ANKRD30B: variants seen among roughly 807,000 people sequenced by gnomAD.
The protein encoded by ANKRD30B is ankyrin repeat domain-containing protein 30B.
Under a neutral mutation model 202.2 loss-of-function variants are expected in ANKRD30B, and 144 were observed. That is an observed-to-expected ratio of 0.71 (90% CI 0.62 to 0.82). The LOEUF (loss-of-function observed/expected upper bound fraction) is 0.82, where lower values mean the gene tolerates loss of function less well. Among genes scored for constraint, ANKRD30B ranks in the 40% least tolerant of loss-of-function variants. The pLI, the probability that ANKRD30B is intolerant of heterozygous loss-of-function variation, is 0.00. For missense variants in ANKRD30B, 1,487 were observed against 1,669.1 expected, an observed-to-expected ratio of 0.89 and a Z score of 1.90; for synonymous variants, 508 against 561.3, an observed-to-expected ratio of 0.91 and a Z score of 1.34.
the ANKRD30B span, among the ~76,000 whole-genome samples, chr18:14,879,308 G>T: frequency 6.7e-6 from 1 of 149,498 alleles, no homozygotes; most frequent in Non-Finnish European, 1.5e-5. Flanking sequence ...GGCGGCCACA[G>T]TGCAAGATCC....
intron 30 of ANKRD30B, 29 bp from the exon 31 acceptor site, chr18:14,822,454 A>G (rs1423000661): frequency 8.4e-7 from 1 of 1,193,562 alleles, no homozygotes; most frequent in East Asian, 2.6e-5. Flanking sequence ...CTTGCGTATA[A>G]TCAATTATAT....
chr18:14,788,164 G>A lies in ANKRD30B; in HGVS notation c.1734+1064G>A, dbSNP rs1237074886. Among the ~76,000 whole-genome samples, 3 of 152,130 alleles carry A rather than the reference G, an allele frequency of 2.0e-5. No homozygotes were observed. The South Asian group carries it at 6.2e-4, about 31-fold the overall frequency. ...ATATTTTAAATGTTTAATGCTGTAT[G>A]TGTCATGGCAAGTAGAAAATGTATT... On this transcript the variant is annotated intron_variant, in intron 15 of 43. Coordinates refer to ENST00000690538, the MANE Select transcript of ANKRD30B (RefSeq NM_001367607.2).
the ANKRD30B span, among the ~76,000 whole-genome samples, chr18:14,913,293 A>G: frequency 0.55 from 83,438 of 151,926 alleles, 23,577 homozygotes; most frequent in African/African-American, 0.68. Flanking sequence ...CATTCACAGC[A>G]GCTGGCCAGT....
At position 14,818,400 on chromosome 18, in the gene ANKRD30B, G is replaced by A. The variant is rs546120192; in HGVS notation, c.2641+3689G>A. 2.6e-5 allele frequency among the ~76,000 whole-genome samples: 4 copies of A among 151,914 alleles called. No homozygotes were observed. In the South Asian group the frequency reaches 6.2e-4, roughly 24 times the overall value. ...TTATACTTTAAGTTTTAGGGTACATGTGCACATTGTGCAGGTTAGTTACAT... is the reference window on the plus strand; with the variant it reads ...TTATACTTTAAGTTTTAGGGTACATATGCACATTGTGCAGGTTAGTTACAT... On this transcript the variant is annotated intron_variant, in intron 30 of 43. Coordinates refer to ENST00000690538, the MANE Select transcript of ANKRD30B (RefSeq NM_001367607.2).
chr18:14,863,419 G>A, the ANKRD30B span, among the ~76,000 whole-genome samples: 3 of 152,014 alleles, frequency 2.0e-5, no homozygotes, highest in East Asian at 1.9e-4. Context: ...TTTCTCTCTT[G>A]ACACGTGATA....
At chr18:14,832,049 A>G (rs1224285306) in intron 34 of ANKRD30B, among the ~76,000 whole-genome samples, 1 of 152,022 alleles carries the variant, frequency 6.6e-6, no homozygotes, top group Non-Finnish European at 1.5e-5. Flanking sequence ...CTTTAATTAA[A>G]CACCAAAATA....
rs751513630 is a variant in ANKRD30B, at chr18:14,799,098, T to C, written c.2030-3T>C. The C allele has an allele frequency of 2.4e-5, 38 of 1,571,892 alleles. No individual in the cohort carries two copies. Among genetic ancestry groups the C allele is most frequent in the Non-Finnish European group, 3.3e-5 (38 of 1,143,838 alleles). ...TCAATTATATATGTCCCTTTTCTTT[T>C]AGAGTCTCCTGATAATGATGGTCTT... On this transcript the variant is annotated splice_polypyrimidine_tract_variant and splice_region_variant and intron_variant, in intron 20 of 43. Transcript: ENST00000690538.
intron 16 of ANKRD30B, 54 bp downstream of exon 16, chr18:14,791,545 G>T: frequency 7.3e-7 from 1 of 1,365,662 alleles, no homozygotes; most frequent in Non-Finnish European, 1.0e-6. Context: ...TATCTAAACT[G>T]ATGAGGAAGG....
At chr18:14,821,824 A>C (rs1316891644) in intron 30 of ANKRD30B, among the ~76,000 whole-genome samples, 1 of 152,174 alleles carries the variant, frequency 6.6e-6, no homozygotes, top group Non-Finnish European at 1.5e-5. Flanking sequence ...TTTTAAGAAG[A>C]CTAAACTACA....
chr18:14,935,959 T>C, the ANKRD30B span, among the ~76,000 whole-genome samples: 1 of 152,234 alleles, frequency 6.6e-6, no homozygotes, highest in Admixed American at 6.5e-5. Context: ...GAGTGAACTC[T>C]TGAAAATAAA....
chr18:14,924,730 G>A, the ANKRD30B span, among the ~76,000 whole-genome samples: 2 of 152,190 alleles, frequency 1.3e-5, no homozygotes, highest in African/African-American at 4.8e-5. Context: ...CCCAGTGTCG[G>A]GGCTGTCTCT....
chr18:14,895,675 A>C, the ANKRD30B span, among the ~76,000 whole-genome samples: 1 of 152,238 alleles, frequency 6.6e-6, no homozygotes, highest in Non-Finnish European at 1.5e-5. Flanking sequence ...ATACATTGGA[A>C]TATTATTTAG....
chr18:14,866,878 G>T, the ANKRD30B span, among the ~76,000 whole-genome samples: 4 of 152,022 alleles, frequency 2.6e-5, no homozygotes, highest in Non-Finnish European at 4.4e-5. Context: ...GGTGGCAGGG[G>T]GTTAGGGGAA....
chr18:14,873,000 A>G, the ANKRD30B span, among the ~76,000 whole-genome samples: 1 of 152,128 alleles, frequency 6.6e-6, no homozygotes, highest in Non-Finnish European at 1.5e-5. Context: ...GAGTTGCCAC[A>G]TGGAGAGTGA....
At chr18:14,775,857 C>A (rs1443691535) in intron 9 of ANKRD30B, among the ~76,000 whole-genome samples, 4 of 152,170 alleles carry the variant, frequency 2.6e-5, no homozygotes, top group African/African-American at 9.7e-5. Flanking sequence ...GCTATGGGAA[C>A]TTGGAAAAAA....
At chr18:14,890,322 G>C in the ANKRD30B span, among the ~76,000 whole-genome samples, 2,064 of 151,842 alleles carry the variant, frequency 0.014, 129 homozygotes, top group Admixed American at 0.1. Context: ...AAATATGTCT[G>C]TATCAAATAA....
chr18:14,905,051 T>C, the ANKRD30B span, among the ~76,000 whole-genome samples: 2 of 152,218 alleles, frequency 1.3e-5, no homozygotes, highest in African/African-American at 4.8e-5. Flanking sequence ...GAGTGATTTC[T>C]GGTCTTCTTC....
At chr18:14,863,149 G>T in the ANKRD30B span, among the ~76,000 whole-genome samples, 1 of 151,914 alleles carries the variant, frequency 6.6e-6, no homozygotes, top group Non-Finnish European at 1.5e-5. Context: ...ATTGTATTGT[G>T]CAATATGAGA....
At chr18:14,885,751 A>G in the ANKRD30B span, among the ~76,000 whole-genome samples, 1 of 151,868 alleles carries the variant, frequency 6.6e-6, no homozygotes, top group African/African-American at 2.4e-5. Flanking sequence ...TTTGTAGCCA[A>G]CTCAAAGGCT....
Sources: allele counts gnomAD v4.1 joint callset (sites outside exome capture counted in the v4.1 genomes callset), GRCh38; gene constraint gnomAD v4.1.1; transcripts MANE v1.5; gene names NCBI Gene and HGNC (gene_info 2026-07-23, HGNC 2026-07-21).